TMEM132B: variants seen among roughly 807,000 people sequenced by gnomAD.
The protein encoded by TMEM132B is transmembrane protein 132B.
TMEM132B carries 18 observed loss-of-function variants against 90.8 expected under a neutral mutation model. That is an observed-to-expected ratio of 0.20 (90% CI 0.14 to 0.29). The LOEUF is 0.29. Among genes scored for constraint, TMEM132B ranks in the 10% least tolerant of loss-of-function variants. The pLI, the probability that TMEM132B is intolerant of heterozygous loss-of-function variation, is 1.00. For synonymous variants in TMEM132B, 504 were observed against 523.3 expected (o/e 0.96, Z 0.50); for missense variants, 1,096 against 1,326.8 (o/e 0.83, Z 2.70).
intron 4 of TMEM132B, among the ~76,000 whole-genome samples, chr12:125,533,948 C>T (rs1435510368): frequency 6.6e-6 from 1 of 152,132 alleles, no homozygotes; most frequent in South Asian, 2.1e-4. Context: ...CTCAGCACCC[C>T]CGATAGAGCC....
chr12:125,265,450 C>T (rs749666062), intron 1 of TMEM132B, among the ~76,000 whole-genome samples: 1 of 152,180 alleles, frequency 6.6e-6, no homozygotes, highest in Non-Finnish European at 1.5e-5. Flanking sequence ...CTCTCTCTGC[C>T]TCTCAACATA....
intron 1 of TMEM132B, among the ~76,000 whole-genome samples, chr12:125,315,399 A>G (rs1232123734): frequency 6.6e-6 from 1 of 152,086 alleles, no homozygotes; most frequent in Non-Finnish European, 1.5e-5. Flanking sequence ...GGGTTTCACC[A>G]TGTTGGCCAA....
intron 2 of TMEM132B, among the ~76,000 whole-genome samples, chr12:125,367,413 G>C (rs555862943): frequency 1.3e-5 from 2 of 152,218 alleles, no homozygotes; most frequent in Non-Finnish European, 2.9e-5. Context: ...TTTATCTTTA[G>C]CTGACATGCT....
At chr12:125,243,032 TACACACACACACAC>T (rs765539161) in intron 1 of TMEM132B, among the ~76,000 whole-genome samples, 4 of 135,028 alleles carry the variant, frequency 3.0e-5, no homozygotes, top group Non-Finnish European at 4.8e-5. Context: ...TATATATATA[TACACACACACACAC>T]ACACACATAC....
At chr12:125,434,918 A>G (rs1248837325) in intron 3 of TMEM132B, among the ~76,000 whole-genome samples, 1 of 152,112 alleles carries the variant, frequency 6.6e-6, no homozygotes, top group Non-Finnish European at 1.5e-5. Flanking sequence ...TTTCCGTGTA[A>G]AACTCAGAGT....
At chr12:125,287,645 A>G (rs1875399185) in intron 1 of TMEM132B, among the ~76,000 whole-genome samples, 1 of 152,214 alleles carries the variant, frequency 6.6e-6, no homozygotes, top group Non-Finnish European at 1.5e-5. Context: ...CCACAGAATG[A>G]TGCAAAACAA....
At chr12:125,253,922 T>A (rs1874372036) in intron 1 of TMEM132B, among the ~76,000 whole-genome samples, 1 of 152,196 alleles carries the variant, frequency 6.6e-6, no homozygotes, top group Admixed American at 6.5e-5. Context: ...AATGTTGTGT[T>A]TGTCTTTGTT....
intron 1 of TMEM132B, among the ~76,000 whole-genome samples, chr12:125,291,373 T>G (rs1875534274): frequency 6.6e-6 from 1 of 152,228 alleles, no homozygotes; most frequent in Non-Finnish European, 1.5e-5. Flanking sequence ...ATTGTCCAGA[T>G]GGGCATGATC....
At chr12:125,298,879 G>A (rs1362830086) in intron 1 of TMEM132B, among the ~76,000 whole-genome samples, 3 of 150,844 alleles carry the variant, frequency 2.0e-5, no homozygotes, top group East Asian at 2.0e-4. Flanking sequence ...GACTACAGGC[G>A]CCCGCCACCA....
intron 1 of TMEM132B, among the ~76,000 whole-genome samples, chr12:125,324,486 T>C (rs934684203): frequency 2.6e-5 from 4 of 152,214 alleles, no homozygotes; most frequent in East Asian, 1.9e-4. Flanking sequence ...TTTTACTCCC[T>C]AGAGCAGGGT....
intron 5 of TMEM132B, among the ~76,000 whole-genome samples, chr12:125,616,892 T>A (rs78045898): frequency 6.6e-6 from 1 of 152,178 alleles, no homozygotes. Context: ...CATTTCTCCA[T>A]GTGCATTAAG....
At chr12:125,479,636 G>C (rs933367650) in intron 3 of TMEM132B, among the ~76,000 whole-genome samples, 4 of 152,142 alleles carry the variant, frequency 2.6e-5, no homozygotes, top group Non-Finnish European at 5.9e-5. Context: ...CCTAAAAAGA[G>C]ACTTAGACTC....
intron 1 of TMEM132B, among the ~76,000 whole-genome samples, chr12:125,265,708 A>G (rs888658221): frequency 4.6e-5 from 7 of 152,168 alleles, no homozygotes; most frequent in Admixed American, 3.9e-4. Flanking sequence ...TTCTACCAGC[A>G]TAGATGACCT....
At chr12:125,612,214 G>A (rs530167222) in intron 5 of TMEM132B, among the ~76,000 whole-genome samples, 6 of 152,052 alleles carry the variant, frequency 3.9e-5, no homozygotes, top group South Asian at 2.1e-4. Flanking sequence ...GGTGGCTCAC[G>A]CCTATAATCC....
At chr12:125,552,510 C>T (rs1884255570) in intron 4 of TMEM132B, among the ~76,000 whole-genome samples, 1 of 152,188 alleles carries the variant, frequency 6.6e-6, no homozygotes. Context: ...CCCCAGTCCC[C>T]AGAGAGTCAC....
At chr12:125,647,636 TG>T (rs1174257108) in intron 6 of TMEM132B, among the ~76,000 whole-genome samples, 1 of 152,124 alleles carries the variant, frequency 6.6e-6, no homozygotes, top group Non-Finnish European at 1.5e-5. Flanking sequence ...CATTCTTAAA[TG>T]AACAAAAGTT....
intron 2 of TMEM132B, among the ~76,000 whole-genome samples, chr12:125,397,166 T>C (rs780795138): frequency 6.6e-6 from 1 of 151,886 alleles, no homozygotes; most frequent in Non-Finnish European, 1.5e-5. Flanking sequence ...AGAGATGGGG[T>C]TTCATCATGT....
chr12:125,451,135 A>G (rs1026830505), intron 3 of TMEM132B, among the ~76,000 whole-genome samples: 2 of 152,180 alleles, frequency 1.3e-5, no homozygotes, highest in Non-Finnish European at 2.9e-5. Flanking sequence ...TGGGGAAAAA[A>G]TTGCTATAAA....
intron 5 of TMEM132B, among the ~76,000 whole-genome samples, chr12:125,597,924 G>T (rs1730314971): frequency 6.6e-6 from 1 of 152,184 alleles, no homozygotes; most frequent in South Asian, 2.1e-4. Flanking sequence ...GTATTTTCCT[G>T]TGTGCTGCCA....
Sources: gnomAD v4.1 joint callset for allele counts (sites outside exome capture counted in the v4.1 genomes callset) on GRCh38, gnomAD v4.1.1 for gene constraint, MANE v1.5 for transcripts, NCBI Gene and HGNC (gene_info 2026-07-23, HGNC 2026-07-21) for gene names.